STXBP2: variants seen among roughly 807,000 people sequenced by gnomAD.
STXBP2 encodes syntaxin-binding protein 2.
STXBP2 carries 47 observed loss-of-function variants against 72.2 expected under a neutral mutation model. The ratio of observed to expected loss-of-function variants is 0.65; its 90% CI spans 0.51 to 0.83. The LOEUF (loss-of-function observed/expected upper bound fraction) is 0.83. Ranked by LOEUF, STXBP2 falls within the 40% of genes least tolerant of loss-of-function variation. The probability of loss-of-function intolerance (pLI) is 0.00; values close to 1 mark genes in which losing one functional copy is unlikely to be tolerated. For missense variants in STXBP2, 702 were observed against 807.6 expected (o/e 0.87, Z 1.58); for synonymous variants, 367 against 338.7 (o/e 1.08, Z -0.92).
upstream of STXBP2, chr19:7,633,374 G>T: frequency 6.4e-7 from 1 of 1,552,966 alleles, no homozygotes. Flanking sequence ...GAGACCTTGA[G>T]CTGGGGGTGG....
At chr19:7,635,231 T>G (rs1342280428), upstream of STXBP2, among the ~76,000 whole-genome samples, 1 of 152,130 alleles carries the variant, frequency 6.6e-6, no homozygotes, top group Non-Finnish European at 1.5e-5. Context: ...CTTCCCCTGC[T>G]CAAAACTCTT....
rs528848621 is a variant in STXBP2, at chr19:7,640,468, CTGTG to C, written c.247-258_247-255del. The C allele has an allele frequency of 5.7e-4, 370 of 647,646 alleles. 1 individual carries two copies. The highest frequency in any genetic ancestry group is 1.8e-3 in the Middle Eastern group (5 of 2,714). The allele number at this position is 647,646 out of a possible 1,614,324, so 40.1% of individuals were successfully genotyped here. ...TGTGTGTATGTATGTGTGTGCATCT[CTGTG>C]TGTGCATGTGTGTATGTGTGTGTGC... On this transcript the variant is annotated intron_variant, in intron 4 of 18. Transcript: ENST00000221283.
At chr19:7,636,996 TC>T (rs2031560374), upstream of STXBP2, 1 of 864,852 alleles carries the variant, frequency 1.2e-6, no homozygotes, top group Non-Finnish European at 1.5e-6. Context: ...GGACTCAACT[TC>T]CTGGGCCTGG....
chr19:7,632,828 C>T (rs144058203), upstream of STXBP2: 37 of 1,548,998 alleles, frequency 2.4e-5, no homozygotes, highest in Middle Eastern at 3.3e-4. This position sits in a 1 kb window ranked among gnomAD's most constrained non-coding sequence, Gnocchi z 5.2. Context: ...CTGGGGAGCC[C>T]GCCTGGGGAC....
At chr19:7,639,664 C>A in intron 3 of STXBP2, 67 bp from the exon 4 acceptor site, 1 of 1,501,066 alleles carries the variant, frequency 6.7e-7, no homozygotes, top group Non-Finnish European at 9.2e-7. Context: ...ACCCCCCACA[C>A]CTGAGACTCC....
the STXBP2 span, chr19:7,631,307 C>T: frequency 7.1e-7 from 1 of 1,411,158 alleles, no homozygotes; most frequent in Non-Finnish European, 9.2e-7. Flanking sequence ...AAGCGGATCC[C>T]ACGCGGACCC....
the STXBP2 span, chr19:7,631,136 A>T: frequency 1.2e-6 from 1 of 848,112 alleles, no homozygotes. Flanking sequence ...TGAACCCAGG[A>T]GGTGGAGGTT....
chr19:7,641,877 C>A (rs1230012838), intron 7 of STXBP2, 24 bp downstream of exon 7: 12 of 1,551,756 alleles, frequency 7.7e-6, no homozygotes, highest in Non-Finnish European at 1.0e-5. Flanking sequence ...CCAGCCCCAC[C>A]CCGATGCCGA....
rs770925163 is a variant in STXBP2 at position 7,643,024 on chromosome 19, G to A, written c.1002G>A (p.Pro334=). The A allele has an allele frequency of 8.4e-5, 136 of 1,614,046 alleles. No individual in the cohort carries two copies. The highest frequency in any genetic ancestry group is 1.1e-4 in the Non-Finnish European group (126 of 1,180,040). Residue 334 remains proline, a synonymous_variant, in exon 12 of 19, where the codon CCG becomes CCA. Coordinates refer to ENST00000221283, the MANE Select transcript of STXBP2 (RefSeq NM_006949.4). ...TATCCCAGATCCTGAAAAAGATGCC[G>A]CAGTACCAGAAGGAGCTGAATAAGG... ...KDLSQILKKM[P]QYQKELNKYS... is the part of the protein sequence containing the mutation.
At chr19:7,630,570 C>T in the STXBP2 span, 1 of 1,536,182 alleles carries the variant, frequency 6.5e-7, no homozygotes, top group Non-Finnish European at 8.7e-7. Flanking sequence ...TCTGCCATTC[C>T]AGATGATAAT....
chr19:7,632,417 G>C, upstream of STXBP2: 1 of 1,613,946 alleles, frequency 6.2e-7, no homozygotes, highest in Non-Finnish European at 8.5e-7. This position sits in a 1 kb window ranked among gnomAD's most constrained non-coding sequence, Gnocchi z 5.2. Context: ...GCTGGAAGCC[G>C]GGCAGGCTGC....
rs559708378 is a variant in STXBP2, at chr19:7,639,860, ATGTG to A, written c.246+59_246+62del. 9.9e-5 allele frequency: 154 copies of A among 1,562,918 alleles called. No homozygotes were observed. In the East Asian group the frequency reaches 2.4e-3, roughly 24 times the overall value. On this transcript the variant is annotated intron_variant, in intron 4 of 18. Coordinates refer to ENST00000221283, the MANE Select transcript of STXBP2 (RefSeq NM_006949.4). ...TGCGCGTGCATGCGTGTACATGTGC[ATGTG>A]TGTGTATGTCTGCATGCATGTGATT...
chr19:7,637,017 G>C (rs1451557992), upstream of STXBP2: 1 of 1,025,040 alleles, frequency 9.8e-7, no homozygotes, highest in African/African-American at 1.7e-5. Flanking sequence ...GGCGAGAACC[G>C]ACGGCGGGGA....
chr19:7,631,747 G>T, the STXBP2 span: 1 of 1,438,386 alleles, frequency 7.0e-7, no homozygotes, highest in Admixed American at 2.6e-5. Context: ...GAGAGCGGTC[G>T]GGTCCTGAGG....
At chr19:7,639,964 C>G (rs1011627332) in intron 4 of STXBP2, 157 bp downstream of exon 4, 15 of 805,254 alleles carry the variant, frequency 1.9e-5, no homozygotes, top group African/African-American at 3.5e-5. Flanking sequence ...GTGTGTGCAT[C>G]TGTGTATGCA....
upstream of STXBP2, chr19:7,636,170 T>G (rs1043377635): frequency 2.0e-5 from 3 of 152,168 alleles, no homozygotes; most frequent in African/African-American, 7.2e-5. Flanking sequence ...TCACTCCCTA[T>G]GTCCCATGTA....
upstream of STXBP2, among the ~76,000 whole-genome samples, chr19:7,634,730 G>T (rs1270863260): frequency 3.9e-5 from 6 of 152,158 alleles, no homozygotes; most frequent in Non-Finnish European, 5.9e-5. Flanking sequence ...AGCCTGAAAT[G>T]AAGGTGTTGG....
chr19:7,637,007 G>T (rs979525845), upstream of STXBP2: 79 of 957,588 alleles, frequency 8.2e-5, no homozygotes, highest in Non-Finnish European at 3.9e-5. Context: ...CCTGGGCCTG[G>T]GCGAGAACCG....
At chr19:7,637,364 C>T (rs1187683359) in intron 1 of STXBP2, among the ~76,000 whole-genome samples, 178 bp downstream of exon 1, 1 of 152,136 alleles carries the variant, frequency 6.6e-6, no homozygotes, top group Non-Finnish European at 1.5e-5. Context: ...CGCCCCTGCT[C>T]TCCGGTGCCA....
Sources: gnomAD v4.1 joint callset for allele counts (sites outside exome capture counted in the v4.1 genomes callset) on GRCh38, gnomAD v4.1.1 for gene constraint, Gnocchi (gnomAD v3.1) non-coding constraint, MANE v1.5 for transcripts, NCBI Gene and HGNC (gene_info 2026-07-23, HGNC 2026-07-21) for gene names.